Variants in CTBP1 observed in about 807,000 individuals in gnomAD.
CTBP1 encodes C-terminal-binding protein 1.
Under a neutral mutation model 42.1 loss-of-function variants are expected in CTBP1, and 11 were observed. That is an observed-to-expected ratio of 0.26 (90% CI 0.16 to 0.43). The LOEUF (loss-of-function observed/expected upper bound fraction) is 0.43, where lower values mean the gene tolerates loss of function less well. Ranked by LOEUF, CTBP1 falls within the 20% of genes least tolerant of loss-of-function variation. The pLI is 1.00. For synonymous variants in CTBP1, 324 were observed against 277.1 expected, an observed-to-expected ratio of 1.17 and a Z score of -1.68; for missense variants, 399 against 624.3, an observed-to-expected ratio of 0.64 and a Z score of 3.85.
intron 3 of CTBP1, among the ~76,000 whole-genome samples, chr4:1,230,157 C>T (rs1267358230): frequency 1.3e-5 from 2 of 152,094 alleles, no homozygotes; most frequent in Non-Finnish European, 2.9e-5. Context: ...CCTGGTGCAC[C>T]AGATGCAGTG....
Position 1,216,051 on chromosome 4 carries a change from G to T in CTBP1, c.669C>A (p.Thr223=), listed in dbSNP as rs1729076538. The T allele has an allele frequency of 6.2e-7, 1 of 1,611,720 alleles. No individual in the cohort carries two copies. Among genetic ancestry groups the T allele is most frequent in the Non-Finnish European group, 8.5e-7 (1 of 1,179,904 alleles). Reference sequence around the variant, plus strand: ...TGTGCTCGTTGAGGCCGCAGTGCAGGGTCACGCAGTCGCTGTGGAAGAGCA... The same window carrying T: ...TGTGCTCGTTGAGGCCGCAGTGCAGTGTCACGCAGTCGCTGTGGAAGAGCA... ...QDLLFHSDCV[T]LHCGLNEHNH... Residue 223 remains threonine, a synonymous_variant, in exon 6 of 10, where the codon ACC becomes ACA. Coordinates refer to ENST00000382952, the MANE Select transcript of CTBP1 (RefSeq NM_001012614.2).
intron 3 of CTBP1, chr4:1,234,968 T>A (rs1470931703): frequency 6.6e-6 from 1 of 152,174 alleles, no homozygotes; most frequent in Non-Finnish European, 1.5e-5. Context: ...GCTAATCCTA[T>A]CACCTGGGGA....
intron 1 of CTBP1, chr4:1,243,961 GAGCACATGGA>G (rs1732450745): frequency 1.0e-6 from 1 of 985,322 alleles, no homozygotes. Context: ...AGTGAGTGTA[GAGCACATGGA>G]AGCTTGTGCT....
At chr4:1,220,559 G>A (rs956169581) in intron 5 of CTBP1, among the ~76,000 whole-genome samples, 15 of 152,262 alleles carry the variant, frequency 9.9e-5, no homozygotes, top group Non-Finnish European at 1.8e-4. Flanking sequence ...ATGCACAGCA[G>A]GACCTAAAAC....
At chr4:1,214,981 G>A (rs567472423) in intron 6 of CTBP1, among the ~76,000 whole-genome samples, 21 of 152,354 alleles carry the variant, frequency 1.4e-4, no homozygotes, top group Admixed American at 6.5e-4. Context: ...AAAGCCCTGC[G>A]GGTGGCTCTC....
chr4:1,234,266 G>A (rs3892033), intron 3 of CTBP1, among the ~76,000 whole-genome samples: 9,348 of 152,276 alleles, frequency 0.061, 479 homozygotes, highest in East Asian at 0.21. Context: ...GTGTCTTTGA[G>A]CTTCCTGTTT....
intron 1 of CTBP1, chr4:1,244,250 G>A: frequency 1.0e-6 from 1 of 985,192 alleles, no homozygotes; most frequent in Non-Finnish European, 1.2e-6. Flanking sequence ...CTGGGCATCG[G>A]TCCATTCTGG....
At chr4:1,244,354 T>TCG (rs1553851068) in intron 1 of CTBP1, 4 of 961,834 alleles carry the variant, frequency 4.2e-6, no homozygotes, top group Non-Finnish European at 4.9e-6. Flanking sequence ...CTCTGGGCAC[T>TCG]GGGGGGGGGG....
Position 1,235,130 on chromosome 4 carries a change from C to T in CTBP1, c.162+3053G>A, listed in dbSNP as rs73793144. On this transcript the variant is annotated intron_variant, in intron 3 of 9. Transcript: ENST00000382952. This position sits in a 1 kb window ranked among gnomAD's most constrained non-coding sequence, Gnocchi z 4.2. The stretch of plus-strand genomic sequence containing the variant: ...GGTGGCCAGCATTTGCCTGGCCACT[C>T]ACCCACTGAAGGACAGCCGGTGGGG... 0.062 allele frequency: 9,426 copies of T among 152,170 alleles called. 493 individuals are homozygous for T. The highest frequency in any genetic ancestry group is 0.21 in the East Asian group (1,066 of 5,158). The allele number at this position is 152,170 out of a possible 1,614,324, so 9.4% of individuals were successfully genotyped here.
intron 1 of CTBP1, chr4:1,248,671 C>T (rs1252807525): frequency 2.0e-6 from 2 of 983,188 alleles, no homozygotes; most frequent in East Asian, 1.1e-4. Context: ...CTGCACGGGC[C>T]GCGGGCGGGG....
intron 3 of CTBP1, chr4:1,236,419 C>G (rs1242350076): frequency 1.8e-6 from 1 of 561,260 alleles, no homozygotes; most frequent in Non-Finnish European, 3.2e-6. Flanking sequence ...GACCGCCGCG[C>G]AACTGGGGCC....
At chr4:1,248,858 G>C (rs904648838) in intron 1 of CTBP1, 58 bp downstream of exon 1, 3 of 904,626 alleles carry the variant, frequency 3.3e-6, no homozygotes, top group Non-Finnish European at 3.9e-6. Flanking sequence ...CGCCCGCGCG[G>C]CACCCGCCCC....
In CTBP1 at chr4:1,213,578, T is replaced by C. The variant is rs763491837; in HGVS notation, c.888A>G (p.Ala296=). 6.2e-7 allele frequency: 1 copy of C among 1,613,208 alleles called. No individual in the cohort carries two copies. Among genetic ancestry groups the C allele is most frequent in the African/African-American group, 1.3e-5 (1 of 75,018 alleles). Residue 296 remains alanine, a synonymous_variant, in exon 8 of 10, where the codon GCA becomes GCG. Transcript: ENST00000382952. ...FSFSQGPLKD[A]PNLICTPHAA... is the part of the protein sequence containing the mutation. ...CATGGGGGGTGCAGATGAGGTTGGGTGCATCCTTCAGAGGGCCCTGGCTAA... is the reference window on the plus strand; with the variant it reads ...CATGGGGGGTGCAGATGAGGTTGGGCGCATCCTTCAGAGGGCCCTGGCTAA...
Position 1,212,013 on chromosome 4 carries a change from T to C in CTBP1, c.*227A>G, listed in dbSNP as rs1728586849. 2 of 391,118 alleles carry C rather than the reference T, an allele frequency of 5.1e-6. No individual in the cohort carries two copies. Among genetic ancestry groups the C allele is most frequent in the African/African-American group, 2.1e-5 (1 of 48,410 alleles). 24.2% of individuals were successfully genotyped at this position (391,118 alleles called of 1,614,324 possible). On this transcript the variant is annotated 3_prime_UTR_variant, in exon 10 of 10. Transcript: ENST00000382952. ...AGAACGTTCATGGGAGAATAACTAC[T>C]GACTTCTTCTGCTTAACGAGGAACG...
chr4:1,212,330 C>T lies in CTBP1; in HGVS notation c.1200G>A (p.Leu400=). The T allele has an allele frequency of 6.6e-6, 10 of 1,519,132 alleles. No individual in the cohort carries two copies. Among genetic ancestry groups the T allele is most frequent in the Non-Finnish European group, 8.8e-6 (10 of 1,137,774 alleles). 94.1% of individuals were successfully genotyped at this position (1,519,132 alleles called of 1,614,324 possible). Residue 400 remains leucine, a synonymous_variant, in exon 10 of 10, where the codon CTG becomes CTA. Coordinates refer to ENST00000382952, the MANE Select transcript of CTBP1 (RefSeq NM_001012614.2). ...CGTGGGGCGGGTGGGCCACAGGGGGCAGGCCGTGGGACAGGGACATGGCGC... is the reference window on the plus strand; with the variant it reads ...CGTGGGGCGGGTGGGCCACAGGGGGTAGGCCGTGGGACAGGGACATGGCGC... The part of the protein sequence containing the change: ...VPSAMSLSHG[L]PPVAHPPHAP...
At chr4:1,221,846 C>G (rs968979057) in intron 5 of CTBP1, 1 of 431,856 alleles carries the variant, frequency 2.3e-6, no homozygotes, top group South Asian at 1.6e-5. Context: ...GCACCTAAGA[C>G]AGTGCATTTT....
chr4:1,230,151 G>A (rs1730809843), intron 3 of CTBP1, among the ~76,000 whole-genome samples: 1 of 152,146 alleles, frequency 6.6e-6, no homozygotes, highest in Non-Finnish European at 1.5e-5. Context: ...GTGACCCCTG[G>A]TGCACCAGAT....
intron 6 of CTBP1, chr4:1,215,415 A>C (rs1729002211): frequency 5.1e-6 from 1 of 196,220 alleles, no homozygotes. Flanking sequence ...ACACACGATG[A>C]CTCCCTGAAG....
chr4:1,211,486 C>T lies in CTBP1; in HGVS notation c.*754G>A, dbSNP rs960353672. 6.6e-6 allele frequency: 1 copy of T among 152,452 alleles called. No homozygotes were observed. Among genetic ancestry groups the T allele is most frequent in the Non-Finnish European group, 1.5e-5 (1 of 68,028 alleles). The allele number at this position is 152,452 out of a possible 1,614,324, so 9.4% of individuals were successfully genotyped here. A position where few individuals can be genotyped will look rare whatever the true frequency, so the allele number is the denominator to read the frequency against. ...TTTTATTTCTTTAAAATAATTCATA[C>T]AAATGGTTACAGTCACAAACATGAT... On this transcript the variant is annotated 3_prime_UTR_variant, in exon 10 of 10. Transcript: ENST00000382952.
Sources: allele counts gnomAD v4.1 joint callset (sites outside exome capture counted in the v4.1 genomes callset), GRCh38; gene constraint gnomAD v4.1.1; non-coding constraint Gnocchi (gnomAD v3.1); transcripts MANE v1.5; gene names NCBI Gene and HGNC (gene_info 2026-07-23, HGNC 2026-07-21).